LAMA4: variants seen among roughly 807,000 people sequenced by gnomAD.
LAMA4 encodes the protein laminin subunit alpha 4.
LAMA4 carries 127 observed loss-of-function variants against 207.1 expected under a neutral mutation model. That is an observed-to-expected ratio of 0.61 (90% CI 0.53 to 0.71). The LOEUF (loss-of-function observed/expected upper bound fraction) is 0.71. Among genes scored for constraint, LAMA4 ranks in the 30% least tolerant of loss-of-function variants. The pLI is 0.00. For missense variants in LAMA4, 2,093 were observed against 2,246.5 expected, an observed-to-expected ratio of 0.93 and a Z score of 1.38; for synonymous variants, 761 against 816.0, an observed-to-expected ratio of 0.93 and a Z score of 1.15.
At position 112,167,840 on chromosome 6, in the gene LAMA4, TCACACACACACACACACA is replaced by T. The variant is rs71021873; in HGVS notation, c.1552-2582_1552-2565del. On this transcript the variant is annotated intron_variant, in intron 12 of 38. Transcript: ENST00000230538. ...GTGGGGTTAGACTAGATGCATACCA[TCACACACACACACACACA>T]CACACACACACACACACACACACAC... 2.8e-3 allele frequency among the ~76,000 whole-genome samples: 348 copies of T among 125,944 alleles called. 2 individuals are homozygous for T. The highest frequency in any genetic ancestry group is 8.9e-3 in the African/African-American group (286 of 32,144). The allele number at this position is 125,944 out of a possible 152,430, so 82.6% of individuals were successfully genotyped here.
intron 9 of LAMA4, among the ~76,000 whole-genome samples, chr6:112,183,465 C>T (rs1207889075): frequency 3.3e-5 from 5 of 152,040 alleles, no homozygotes; most frequent in South Asian, 2.1e-4. Flanking sequence ...CCTTCTTGTC[C>T]GGGAGCCTTT....
intron 35 of LAMA4, among the ~76,000 whole-genome samples, chr6:112,116,878 T>C (rs370160886): frequency 3.0e-4 from 46 of 152,218 alleles, no homozygotes; most frequent in African/African-American, 1.1e-3. Context: ...GTGTAGGTGT[T>C]TTAGTGTAGG....
In LAMA4 at chr6:112,139,875, C is replaced by G; in HGVS notation, c.2987G>C (p.Ser996Thr). The G allele has an allele frequency of 1.2e-6, 2 of 1,614,046 alleles. No homozygotes were observed. The highest frequency in any genetic ancestry group is 8.5e-7 in the Non-Finnish European group (1 of 1,179,960). The change falls in exon 23 of 39, where the codon AGC (serine) becomes ACC (threonine). Residue 996 changes from serine (S) to threonine (T), a missense_variant. Coordinates refer to ENST00000230538, the MANE Select transcript of LAMA4 (RefSeq NM_001105206.3). ...GCCAACAAAGCCAGGCAGGTTTAAG[C>G]TGGTAGGGAGCTATGCAATAGAAAA... ...GVPSNFKLPT[S>T]LNLPGFVGCL...
intron 6 of LAMA4, among the ~76,000 whole-genome samples, chr6:112,189,520 G>A (rs1782890616): frequency 1.3e-5 from 2 of 152,160 alleles, no homozygotes; most frequent in South Asian, 4.1e-4. Context: ...GTCCTGGTAA[G>A]TTTCACAAGA....
rs965629148 is a variant in LAMA4, at chr6:112,212,448, A to C, written c.297+3920T>G. On this transcript the variant is annotated intron_variant, in intron 3 of 38. Coordinates refer to ENST00000230538, the MANE Select transcript of LAMA4 (RefSeq NM_001105206.3). ...CCTGTTGGCCAGGATGGTCTCGAACACCTGACCTCAGGTGATCCTCCCACC... is the reference window on the plus strand; with the variant it reads ...CCTGTTGGCCAGGATGGTCTCGAACCCCTGACCTCAGGTGATCCTCCCACC... 2.6e-5 allele frequency among the ~76,000 whole-genome samples: 4 copies of C among 152,060 alleles called. No individual in the cohort carries two copies. In the East Asian group the frequency reaches 5.8e-4, roughly 22 times the overall value.
intron 9 of LAMA4, among the ~76,000 whole-genome samples, chr6:112,181,797 C>A (rs985067091): frequency 6.6e-5 from 10 of 152,116 alleles, no homozygotes; most frequent in African/African-American, 2.4e-4. Context: ...TACCTAGCAC[C>A]TAGCACACTA....
At chr6:112,244,182 A>G (rs1344855927) in intron 2 of LAMA4, among the ~76,000 whole-genome samples, 1 of 152,262 alleles carries the variant, frequency 6.6e-6, no homozygotes, top group Non-Finnish European at 1.5e-5. Flanking sequence ...AAGACCCCGC[A>G]GTAAAGAAGC....
At chr6:112,228,000 T>C (rs1426363286) in intron 2 of LAMA4, among the ~76,000 whole-genome samples, 2 of 152,190 alleles carry the variant, frequency 1.3e-5, no homozygotes, top group African/African-American at 4.8e-5. Context: ...GACTGAGAAA[T>C]TACAATATTA....
chr6:112,142,304 C>A lies in LAMA4; in HGVS notation c.2494-12G>T, dbSNP rs781970196. 2 of 1,613,930 alleles carry A rather than the reference C, an allele frequency of 1.2e-6. No homozygotes were observed. The highest frequency in any genetic ancestry group is 2.2e-5 in the South Asian group (2 of 91,070). ...ATGGAGACTTGGATCTGGAGTGACA[C>A]AACGGTTTCATTAAAAGTGCTTTGC... On this transcript the variant is annotated splice_polypyrimidine_tract_variant and intron_variant, in intron 19 of 38. Coordinates refer to ENST00000230538, the MANE Select transcript of LAMA4 (RefSeq NM_001105206.3).
chr6:112,119,460 C>T (rs1778219472), intron 33 of LAMA4, 149 bp from the exon 34 acceptor site: 1 of 849,846 alleles, frequency 1.2e-6, no homozygotes, highest in African/African-American at 1.7e-5. Flanking sequence ...CTCTGAAGGT[C>T]AGGAGTTTAT....
At chr6:112,206,826 T>C (rs1446895481) in intron 4 of LAMA4, among the ~76,000 whole-genome samples, 195 bp downstream of exon 4, 4 of 152,218 alleles carry the variant, frequency 2.6e-5, no homozygotes, top group Admixed American at 6.5e-5. Context: ...ATCATCTATA[T>C]TGTAAGTGCT....
intron 5 of LAMA4, among the ~76,000 whole-genome samples, chr6:112,193,011 A>G (rs1554349571): frequency 6.6e-6 from 1 of 152,236 alleles, no homozygotes; most frequent in Non-Finnish European, 1.5e-5. Context: ...TGTACAAGTC[A>G]AACTACATGC....
In LAMA4 at chr6:112,221,123, T is replaced by C. The variant is rs7738662; in HGVS notation, c.196-4654A>G. ...AAAACTTGATGGGATTTAGGAAGAG[T>C]TTGAAGTTGTCATCGGAGAGTATGA... On this transcript the variant is annotated intron_variant, in intron 2 of 38. Coordinates refer to ENST00000230538, the MANE Select transcript of LAMA4 (RefSeq NM_001105206.3). Among the ~76,000 whole-genome samples, 1,303 of 152,096 alleles carry C rather than the reference T, an allele frequency of 8.6e-3. 26 individuals carry two copies. Among genetic ancestry groups the C allele is most frequent in the African/African-American group, 0.029 (1,213 of 41,486 alleles).
At chr6:112,214,361 G>C (rs893198326) in intron 3 of LAMA4, among the ~76,000 whole-genome samples, 1 of 152,048 alleles carries the variant, frequency 6.6e-6, no homozygotes, top group Admixed American at 6.6e-5. Flanking sequence ...TGGGATTACA[G>C]GTGTGAGCCA....
intron 9 of LAMA4, 173 bp from the exon 10 acceptor site, chr6:112,178,405 T>C: frequency 1.6e-6 from 1 of 622,556 alleles, no homozygotes; most frequent in Non-Finnish European, 2.8e-6. Context: ...GGTAATGTGA[T>C]GGCCAGTTTT....
At position 112,144,702 on chromosome 6, in the gene LAMA4, A is replaced by G. The variant is rs1276159103; in HGVS notation, c.2493+92T>C. On this transcript the variant is annotated intron_variant, in intron 19 of 38. Transcript: ENST00000230538. Reference sequence around the variant, plus strand: ...TACTGAGTTGGAGAATACAGCAGAAAGGTCCAGGCTCTGGAAGCTGCCCAA... The same window carrying G: ...TACTGAGTTGGAGAATACAGCAGAAGGGTCCAGGCTCTGGAAGCTGCCCAA... The G allele has an allele frequency of 1.5e-5, 21 of 1,410,194 alleles. No individual in the cohort carries two copies. In the African/African-American group the frequency reaches 2.4e-4, roughly 16 times the overall value. 87.4% of individuals were successfully genotyped at this position (1,410,194 alleles called of 1,614,324 possible).
chr6:112,135,966 T>C (rs1017732467), intron 25 of LAMA4, 157 bp downstream of exon 25: 1 of 645,338 alleles, frequency 1.5e-6, no homozygotes, highest in Non-Finnish European at 2.7e-6. Flanking sequence ...AATGTTTTCC[T>C]AGGGTTGAGA....
intron 2 of LAMA4, among the ~76,000 whole-genome samples, chr6:112,231,340 G>C (rs897973299): frequency 2.0e-5 from 3 of 152,162 alleles, no homozygotes; most frequent in Non-Finnish European, 4.4e-5. Flanking sequence ...ATGAGTGTGT[G>C]TGGCTGAGTC....
chr6:112,168,960 A>G (rs925551477), intron 12 of LAMA4, among the ~76,000 whole-genome samples: 1 of 152,194 alleles, frequency 6.6e-6, no homozygotes, highest in South Asian at 2.1e-4. Flanking sequence ...AGCAAAGGCA[A>G]TAAGTAGAAA....
Sources: gnomAD v4.1 joint callset for allele counts (sites outside exome capture counted in the v4.1 genomes callset) on GRCh38, gnomAD v4.1.1 for gene constraint, MANE v1.5 for transcripts, NCBI Gene and HGNC (gene_info 2026-07-23, HGNC 2026-07-21) for gene names.